XRCC4: variants seen among roughly 807,000 people sequenced by gnomAD.
XRCC4 encodes X-ray repair cross complementing 4, also known as DNA repair protein XRCC4.
XRCC4 carries 28 observed loss-of-function variants against 39.1 expected under a neutral mutation model. The ratio of observed to expected loss-of-function variants is 0.72; its 90% CI spans 0.53 to 0.98. The LOEUF (loss-of-function observed/expected upper bound fraction) is 0.98, where lower values mean the gene tolerates loss of function less well. Ranked by LOEUF, XRCC4 falls within the 50% of genes least tolerant of loss-of-function variation. The probability of loss-of-function intolerance (pLI) is 0.00; values close to 1 mark genes in which losing one functional copy is unlikely to be tolerated. For synonymous variants in XRCC4, 123 were observed against 126.4 expected, an observed-to-expected ratio of 0.97 and a Z score of 0.18; for missense variants, 350 against 376.4, an observed-to-expected ratio of 0.93 and a Z score of 0.58.
rs28360195 is a variant in XRCC4, at chr5:83,228,625, G to A, written c.745+23704G>A. 2.9e-3 allele frequency among the ~76,000 whole-genome samples: 434 copies of A among 152,074 alleles called. 12 individuals carry two copies. In the East Asian group the frequency reaches 0.072, roughly 25 times the overall value. On this transcript the variant is annotated intron_variant, in intron 6 of 7. Coordinates refer to ENST00000396027, the MANE Select transcript of XRCC4 (RefSeq NM_003401.5). ...TCTAAACATTATTTTGAAGATTGTT[G>A]TGTTTCTTTATTTGCACTTAAACAA...
At chr5:83,200,757 G>C (rs1481797135) in intron 4 of XRCC4, among the ~76,000 whole-genome samples, 1 of 151,970 alleles carries the variant, frequency 6.6e-6, no homozygotes, top group Non-Finnish European at 1.5e-5. Flanking sequence ...TTCACATATT[G>C]GTTTTTACTT....
At chr5:83,349,236 T>C (rs1262935298) in intron 7 of XRCC4, among the ~76,000 whole-genome samples, 1 of 152,188 alleles carries the variant, frequency 6.6e-6, no homozygotes, top group Non-Finnish European at 1.5e-5. Context: ...ACCCCCGTGA[T>C]CCAATCACCT....
intron 3 of XRCC4, among the ~76,000 whole-genome samples, chr5:83,138,605 CTTTAT>C (rs1748015070): frequency 6.6e-6 from 1 of 151,972 alleles, no homozygotes; most frequent in African/African-American, 2.4e-5. Flanking sequence ...TGCTAGTATA[CTTTAT>C]AAGTATACTT....
chr5:83,265,699 G>A (rs1436186041), intron 7 of XRCC4, among the ~76,000 whole-genome samples: 2 of 151,978 alleles, frequency 1.3e-5, no homozygotes, highest in African/African-American at 4.8e-5. Flanking sequence ...TTTTTTTAAT[G>A]TATTCTGTAT....
At chr5:83,369,488 G>C in the XRCC4 span, among the ~76,000 whole-genome samples, 1 of 152,136 alleles carries the variant, frequency 6.6e-6, no homozygotes, top group African/African-American at 2.4e-5. Flanking sequence ...ACTTCTAAGT[G>C]AGAACATGTG....
At chr5:83,233,760 G>C (rs2112823849) in intron 6 of XRCC4, among the ~76,000 whole-genome samples, 1 of 150,930 alleles carries the variant, frequency 6.6e-6, no homozygotes, top group Non-Finnish European at 1.5e-5. Context: ...CAATTAGCCA[G>C]GCATGGTGGT....
intron 6 of XRCC4, among the ~76,000 whole-genome samples, chr5:83,229,308 A>C (rs1444321782): frequency 6.6e-6 from 1 of 152,054 alleles, no homozygotes; most frequent in Non-Finnish European, 1.5e-5. Flanking sequence ...AGGTATTATG[A>C]TGACTGCAAG....
At chr5:83,283,270 C>T (rs1428906311) in intron 7 of XRCC4, among the ~76,000 whole-genome samples, 1 of 152,076 alleles carries the variant, frequency 6.6e-6, no homozygotes, top group Non-Finnish European at 1.5e-5. Context: ...AAACTATGTC[C>T]AAAATGTTTC....
chr5:83,077,584 T>TA lies in XRCC4; in HGVS notation c.-42_-41insA, dbSNP rs1426033856. ...ACCTTGATCTGTGAAAGCGGGCGTTTTGGAAGATACCGGAAGTAGAGTCAC... is the reference window on the plus strand; with the variant it reads ...ACCTTGATCTGTGAAAGCGGGCGTTTATGGAAGATACCGGAAGTAGAGTCAC... On this transcript the variant is annotated 5_prime_UTR_variant, in exon 1 of 8. It adds an upstream start codon to the 5' untranslated region. Transcript: ENST00000396027. 7.7e-6 allele frequency: 4 copies of TA among 519,828 alleles called. No individual in the cohort carries two copies. In the East Asian group the frequency reaches 1.2e-4, roughly 16 times the overall value. 32.2% of individuals were successfully genotyped at this position (519,828 alleles called of 1,614,324 possible). A position where few individuals can be genotyped will look rare whatever the true frequency, so the allele number is the denominator to read the frequency against.
intron 3 of XRCC4, among the ~76,000 whole-genome samples, chr5:83,186,785 A>G (rs1750458049): frequency 6.6e-6 from 1 of 152,148 alleles, no homozygotes; most frequent in African/African-American, 2.4e-5. Flanking sequence ...TATATATTTT[A>G]CTTCTGTGGC....
intron 4 of XRCC4, chr5:83,201,278 A>G (rs1025569557): frequency 2.6e-5 from 4 of 152,290 alleles, no homozygotes; most frequent in African/African-American, 7.2e-5. Context: ...TTTTGTAAGT[A>G]CTGGCAGTGG....
intron 3 of XRCC4, among the ~76,000 whole-genome samples, chr5:83,112,078 A>C (rs1374720645): frequency 6.6e-6 from 1 of 152,182 alleles, no homozygotes; most frequent in Non-Finnish European, 1.5e-5. Flanking sequence ...AGTCATTATA[A>C]ATTTATATTA....
chr5:83,246,894 T>C (rs538066753), intron 6 of XRCC4, among the ~76,000 whole-genome samples: 2 of 152,320 alleles, frequency 1.3e-5, no homozygotes, highest in South Asian at 4.1e-4. Context: ...ATGTCCCCAC[T>C]TCCAGTTTCA....
chr5:83,163,902 G>A (rs192635529), intron 3 of XRCC4, among the ~76,000 whole-genome samples: 321 of 152,312 alleles, frequency 2.1e-3, no homozygotes, highest in Admixed American at 4.5e-3. Flanking sequence ...CTTGAGAGCA[G>A]TGTGGCTTTG....
intron 3 of XRCC4, among the ~76,000 whole-genome samples, chr5:83,171,439 A>G (rs1317681959): frequency 6.6e-6 from 1 of 152,154 alleles, no homozygotes; most frequent in African/African-American, 2.4e-5. Context: ...TGTAGAAAAC[A>G]TTTTAAATGA....
intron 1 of XRCC4, among the ~76,000 whole-genome samples, chr5:83,081,516 G>T (rs571274803): frequency 6.6e-6 from 1 of 152,226 alleles, no homozygotes; most frequent in Admixed American, 6.5e-5. Context: ...TGTTAAATAA[G>T]TAGAGTTTCA....
intron 7 of XRCC4, chr5:83,279,873 A>G (rs1030300707): frequency 1.9e-5 from 3 of 154,974 alleles, no homozygotes; most frequent in African/African-American, 7.2e-5. Context: ...AAAGTGAACA[A>G]ACTAAAGTTA....
At chr5:83,363,989 G>C in the XRCC4 span, among the ~76,000 whole-genome samples, 246 of 152,250 alleles carry the variant, frequency 1.6e-3, 3 homozygotes, top group Middle Eastern at 0.041. Context: ...TTTGTACAAA[G>C]GTACCAGATC....
chr5:83,183,412 TTGTGTGTGTGTG>T (rs369446374), intron 3 of XRCC4, among the ~76,000 whole-genome samples: 5,786 of 139,436 alleles, frequency 0.041, 158 homozygotes, highest in South Asian at 0.12. Flanking sequence ...TTTCATTTAT[TTGTGTGTGTGTG>T]TGTGTGTGTG....
Sources: gnomAD v4.1 joint callset for allele counts (sites outside exome capture counted in the v4.1 genomes callset) on GRCh38, gnomAD v4.1.1 for gene constraint, MANE v1.5 for transcripts, NCBI Gene and HGNC (gene_info 2026-07-23, HGNC 2026-07-21) for gene names.